AKAP13: variants seen among roughly 807,000 people sequenced by gnomAD.
AKAP13 encodes the protein A-kinase anchor protein 13.
A neutral mutation model predicts 264.5 loss-of-function variants in AKAP13; 80 were observed. That is an observed-to-expected ratio of 0.30 (90% confidence interval 0.25 to 0.36). The LOEUF (loss-of-function observed/expected upper bound fraction) is 0.36. Ranked by LOEUF, AKAP13 falls within the 10% of genes least tolerant of loss-of-function variation. The pLI is 1.00. For missense variants in AKAP13, 3,712 were observed against 3,435.2 expected (o/e 1.08, Z -2.01); for synonymous variants, 1,380 against 1,250.2 (o/e 1.10, Z -2.19).
chr15:85,677,048 T>C, intron 14 of AKAP13: 1 of 985,446 alleles, frequency 1.0e-6, no homozygotes, highest in Non-Finnish European at 1.2e-6. Context: ...TCTAAAACTC[T>C]CTTTTCTCTT....
At chr15:85,523,878 G>C (rs2076923563) in intron 3 of AKAP13, among the ~76,000 whole-genome samples, 1 of 148,118 alleles carries the variant, frequency 6.8e-6, no homozygotes, top group African/African-American at 2.5e-5. Context: ...TTTTAGCTTG[G>C]AGAAGGAATA....
intron 13 of AKAP13, among the ~76,000 whole-genome samples, chr15:85,666,650 G>A (rs990330466): frequency 4.6e-5 from 7 of 152,202 alleles, no homozygotes; most frequent in African/African-American, 1.7e-4. Context: ...CCCAGTTCAA[G>A]TGATCCTTCT....
chr15:85,517,233 C>G (rs887246068), intron 2 of AKAP13, among the ~76,000 whole-genome samples: 1 of 152,218 alleles, frequency 6.6e-6, no homozygotes, highest in Non-Finnish European at 1.5e-5. Context: ...CTTTCTATCT[C>G]ATTCTCCTAA....
intron 8 of AKAP13, among the ~76,000 whole-genome samples, chr15:85,586,955 G>A (rs550790611): frequency 6.6e-6 from 1 of 151,478 alleles, no homozygotes; most frequent in Non-Finnish European, 1.5e-5. Context: ...AGAATAAAAG[G>A]TTCAATCAAC....
intron 1 of AKAP13, among the ~76,000 whole-genome samples, chr15:85,439,443 C>T (rs2073510541): frequency 6.6e-6 from 1 of 151,910 alleles, no homozygotes; most frequent in Admixed American, 6.6e-5. Context: ...CTAGAAATAC[C>T]ATTTGACCCA....
intron 8 of AKAP13, among the ~76,000 whole-genome samples, chr15:85,631,753 G>A (rs1213953413): frequency 3.3e-5 from 5 of 152,072 alleles, no homozygotes; most frequent in Non-Finnish European, 7.4e-5. Flanking sequence ...GGGGATAAAC[G>A]GGAACTTTCT....
intron 1 of AKAP13, among the ~76,000 whole-genome samples, chr15:85,388,232 A>T (rs994133797): frequency 1.3e-5 from 2 of 150,442 alleles, no homozygotes; most frequent in Non-Finnish European, 3.0e-5. Flanking sequence ...TTAAGTGGAG[A>T]CTGGGTTTCA....
chr15:85,671,352 T>C (rs1468271755), intron 14 of AKAP13, among the ~76,000 whole-genome samples: 7 of 144,982 alleles, frequency 4.8e-5, no homozygotes, highest in Non-Finnish European at 7.4e-5. Flanking sequence ...AAGAGGATCA[T>C]GAGCCCAGGA....
At chr15:85,474,462 T>A (rs2075078436) in intron 1 of AKAP13, among the ~76,000 whole-genome samples, 1 of 152,224 alleles carries the variant, frequency 6.6e-6, no homozygotes, top group Non-Finnish European at 1.5e-5. Flanking sequence ...TTTTCAGAAA[T>A]ATCCTTGCTT....
intron 1 of AKAP13, among the ~76,000 whole-genome samples, chr15:85,459,534 C>T (rs576273639): frequency 6.6e-6 from 1 of 151,556 alleles, no homozygotes; most frequent in Non-Finnish European, 1.5e-5. Context: ...GAGTCTCGCT[C>T]TGTCGCCCAG....
chr15:85,483,968 CTT>C (rs1053907405), intron 1 of AKAP13, among the ~76,000 whole-genome samples: 8 of 152,124 alleles, frequency 5.3e-5, no homozygotes, highest in Non-Finnish European at 8.8e-5. Flanking sequence ...GGACGACACT[CTT>C]TTAATTTTTG....
chr15:85,471,835 TA>T (rs1199166032), intron 1 of AKAP13, among the ~76,000 whole-genome samples: 6 of 152,252 alleles, frequency 3.9e-5, no homozygotes, highest in Non-Finnish European at 1.5e-5. Context: ...TTGAATATTT[TA>T]AGTCATTTGC....
chr15:85,508,827 T>G (rs987789417), intron 2 of AKAP13, among the ~76,000 whole-genome samples: 2 of 152,166 alleles, frequency 1.3e-5, no homozygotes, highest in Non-Finnish European at 2.9e-5. Context: ...TCCCTTGCAC[T>G]CGATATATTC....
chr15:85,595,090 T>G (rs1017233850), intron 8 of AKAP13, among the ~76,000 whole-genome samples: 2 of 151,680 alleles, frequency 1.3e-5, no homozygotes, highest in African/African-American at 4.8e-5. Context: ...ATTTGGAGGG[T>G]TTTTTTTGTT....
chr15:85,506,487 C>T (rs972268279), intron 2 of AKAP13, among the ~76,000 whole-genome samples: 1 of 151,946 alleles, frequency 6.6e-6, no homozygotes, highest in Non-Finnish European at 1.5e-5. Context: ...CAGATAAATA[C>T]ATAAATACAT....
intron 1 of AKAP13, among the ~76,000 whole-genome samples, chr15:85,409,717 G>A (rs2071860830): frequency 2.1e-5 from 3 of 145,556 alleles, no homozygotes; most frequent in Admixed American, 7.0e-5. Flanking sequence ...TGCAAGCTCC[G>A]CCTCCTGGGT....
At chr15:85,725,415 T>C (rs971587804) in intron 26 of AKAP13, among the ~76,000 whole-genome samples, 1 of 152,152 alleles carries the variant, frequency 6.6e-6, no homozygotes, top group Non-Finnish European at 1.5e-5. Flanking sequence ...ACCTGAATTA[T>C]TTAAAAGTAA....
chr15:85,401,288 G>A (rs1055101276), intron 1 of AKAP13, among the ~76,000 whole-genome samples: 2 of 110,910 alleles, frequency 1.8e-5, no homozygotes, highest in African/African-American at 7.3e-5. Context: ...TTTTTATGTA[G>A]TATACCTGAT....
chr15:85,654,351 A>G (rs189310646), intron 10 of AKAP13, among the ~76,000 whole-genome samples: 1 of 152,336 alleles, frequency 6.6e-6, no homozygotes, highest in Admixed American at 6.5e-5. Context: ...ATTTCAGCAT[A>G]TTATTATTGT....
Sources: allele counts gnomAD v4.1 joint callset (sites outside exome capture counted in the v4.1 genomes callset), GRCh38; gene constraint gnomAD v4.1.1; transcripts MANE v1.5; gene names NCBI Gene and HGNC (gene_info 2026-07-23, HGNC 2026-07-21).